ELMOD1: variants seen among roughly 807,000 people sequenced by gnomAD.
The protein encoded by ELMOD1 is ELMO domain containing 1, also known as ELMO domain-containing protein 1.
A neutral mutation model predicts 46.7 loss-of-function variants in ELMOD1; 21 were observed. That is an observed-to-expected ratio of 0.45 (90% CI 0.32 to 0.65). The LOEUF (loss-of-function observed/expected upper bound fraction) is 0.65, where lower values mean the gene tolerates loss of function less well. ELMOD1 is among the 30% of genes least tolerant of loss of function. ELMOD1 has a pLI of 0.04. For missense variants in ELMOD1, 348 were observed against 407.8 expected (o/e 0.85, Z 1.26); for synonymous variants, 122 against 138.2 (o/e 0.88, Z 0.82).
chr11:107,598,369 T>G (rs573252185), intron 1 of ELMOD1, among the ~76,000 whole-genome samples: 1 of 152,286 alleles, frequency 6.6e-6, no homozygotes, highest in East Asian at 1.9e-4. Context: ...TTTGTTCTAT[T>G]CAGGCCCTCG....
chr11:107,622,125 G>A (rs1865961405), intron 2 of ELMOD1, among the ~76,000 whole-genome samples: 1 of 152,164 alleles, frequency 6.6e-6, no homozygotes, highest in Admixed American at 6.5e-5. Context: ...ATAAAAGAAT[G>A]CGATCAGTGA....
chr11:107,654,022 A>G (rs1438396163), intron 9 of ELMOD1, 150 bp from the exon 10 acceptor site: 2 of 666,934 alleles, frequency 3.0e-6, no homozygotes, highest in Middle Eastern at 3.2e-4. Context: ...TGACCTCCAT[A>G]TAAATTGTAC....
At chr11:107,611,704 C>CAAAAAAAA (rs71470853) in intron 1 of ELMOD1, among the ~76,000 whole-genome samples, 1 of 55,800 alleles carries the variant, frequency 1.8e-5, no homozygotes, top group African/African-American at 7.1e-5. Context: ...GACTCCATCT[C>CAAAAAAAA]AAAAAAAAAA....
rs201717101 is a variant in ELMOD1 at position 107,630,702 on chromosome 11, A to T, written c.166A>T (p.Thr56Ser). 181 of 1,608,534 alleles carry T rather than the reference A, an allele frequency of 1.1e-4. No homozygotes were observed. The African/African-American group carries it at 2.1e-3, about 19-fold the overall frequency. The change falls in exon 4 of 12, where the codon ACA (threonine) becomes TCA (serine). Residue 56 changes from threonine to serine, a missense_variant and splice_region_variant. By Grantham distance (58) the Thr-to-Ser change is moderately conservative. Transcript: ENST00000265840. ...PGASRTMKIE[T>S]SLRDSKSKLL... ...TGTTTTTGTTGCTGCTTTCACAGAA[A>T]CATCACTGAGGGATTCTAAAAGTAA...
At chr11:107,621,246 C>G (rs1865942593) in intron 2 of ELMOD1, among the ~76,000 whole-genome samples, 1 of 152,206 alleles carries the variant, frequency 6.6e-6, no homozygotes, top group Non-Finnish European at 1.5e-5. Context: ...TCGTTATTTT[C>G]CTTCCTCCAG....
intron 6 of ELMOD1, among the ~76,000 whole-genome samples, chr11:107,644,592 A>G (rs1866385837): frequency 6.6e-6 from 1 of 151,438 alleles, no homozygotes; most frequent in Non-Finnish European, 1.5e-5. Flanking sequence ...CTCCTGCCTC[A>G]GCCTCCCGAG....
intron 7 of ELMOD1, among the ~76,000 whole-genome samples, chr11:107,648,368 C>T (rs1866469410): frequency 6.6e-6 from 1 of 152,106 alleles, no homozygotes; most frequent in African/African-American, 2.4e-5. Context: ...TGTATCCGTC[C>T]CCTGTATTTC....
At chr11:107,659,725 G>C (rs1866700432) in intron 11 of ELMOD1, among the ~76,000 whole-genome samples, 1 of 151,760 alleles carries the variant, frequency 6.6e-6, no homozygotes. Flanking sequence ...AATACTGGCT[G>C]ATGTTTTTTG....
intron 2 of ELMOD1, among the ~76,000 whole-genome samples, chr11:107,625,924 C>T: frequency 6.6e-6 from 1 of 152,238 alleles, no homozygotes; most frequent in East Asian, 1.9e-4. Context: ...TCTTAGGAAG[C>T]TACAGTAACT....
intron 10 of ELMOD1, among the ~76,000 whole-genome samples, chr11:107,654,716 T>C (rs4753810): frequency 0.32 from 44,994 of 141,804 alleles, 7,050 homozygotes; most frequent in Admixed American, 0.4. Context: ...TTGCAGTGAG[T>C]GGAGATGGCG....
chr11:107,609,507 G>A (rs886546281), intron 1 of ELMOD1, among the ~76,000 whole-genome samples: 7 of 152,168 alleles, frequency 4.6e-5, no homozygotes, highest in African/African-American at 1.7e-4. Context: ...TTCTAGTTGA[G>A]TCTCTAATTC....
At chr11:107,615,836 G>A (rs369199456) in intron 1 of ELMOD1, among the ~76,000 whole-genome samples, 21 of 151,554 alleles carry the variant, frequency 1.4e-4, no homozygotes, top group African/African-American at 5.1e-4. Flanking sequence ...TTTGTCGAAT[G>A]TTCTCATGAT....
chr11:107,595,339 C>G (rs2135642655), intron 1 of ELMOD1, among the ~76,000 whole-genome samples: 1 of 152,204 alleles, frequency 6.6e-6, no homozygotes, highest in African/African-American at 2.4e-5. Flanking sequence ...TTCAACAGAG[C>G]AGAAAACAGT....
chr11:107,659,316 A>G (rs1565392684), intron 11 of ELMOD1, among the ~76,000 whole-genome samples: 1 of 152,088 alleles, frequency 6.6e-6, no homozygotes, highest in African/African-American at 2.4e-5. Flanking sequence ...TAGAGAAATC[A>G]GGGAAGTAGT....
intron 1 of ELMOD1, among the ~76,000 whole-genome samples, chr11:107,593,630 G>A (rs144913804): frequency 6.6e-6 from 1 of 152,300 alleles, no homozygotes; most frequent in East Asian, 1.9e-4. Flanking sequence ...ACAAAGCACT[G>A]TTAGGTTTTC....
chr11:107,618,381 T>A (rs1428555369), intron 2 of ELMOD1, among the ~76,000 whole-genome samples, 175 bp downstream of exon 2: 1 of 152,160 alleles, frequency 6.6e-6, no homozygotes, highest in African/African-American at 2.4e-5. Flanking sequence ...CTCTGCTAAC[T>A]CTATATGCGT....
rs368172899 is a variant in ELMOD1 at position 107,664,611 on chromosome 11, GT to G, written c.833-412del. On this transcript the variant is annotated intron_variant, in intron 11 of 11. Coordinates refer to ENST00000265840, the MANE Select transcript of ELMOD1 (RefSeq NM_018712.4). ...TTTGTCGGGGTAATTTAAAACTTTA[GT>G]TACATCAAATATCAAGAGAATAAAG... is the stretch of plus-strand genomic sequence containing the variant. Among the ~76,000 whole-genome samples the G allele has an allele frequency of 5.4e-3, 822 of 152,226 alleles. 7 individuals are homozygous for G. Among genetic ancestry groups the G allele is most frequent in the African/African-American group, 0.019 (778 of 41,532 alleles).
At position 107,655,993 on chromosome 11, in the gene ELMOD1, C is replaced by T. The variant is rs1264512218; in HGVS notation, c.759C>T (p.Ser253=). Residue 253 remains serine (S), a synonymous_variant, in exon 11 of 12, where the codon AGC becomes AGT. Coordinates refer to ENST00000265840, the MANE Select transcript of ELMOD1 (RefSeq NM_018712.4). ...ITDLAYNLLV[S]GALKTHFYNI... Reference sequence around the variant, plus strand: ...ACCTGGCATATAATCTACTGGTCAGCGGAGCTCTAAAAACCCATTTCTACA... The same window carrying T: ...ACCTGGCATATAATCTACTGGTCAGTGGAGCTCTAAAAACCCATTTCTACA... 7.6e-6 allele frequency: 12 copies of T among 1,587,626 alleles called. No individual in the cohort carries two copies. Among genetic ancestry groups the T allele is most frequent in the Admixed American group, 7.2e-5 (4 of 55,600 alleles).
At chr11:107,644,389 G>C (rs1195264978) in intron 6 of ELMOD1, among the ~76,000 whole-genome samples, 1 of 152,022 alleles carries the variant, frequency 6.6e-6, no homozygotes, top group Non-Finnish European at 1.5e-5. Flanking sequence ...AATGAGTAAG[G>C]TTTGTCACCC....
Sources: gnomAD v4.1 joint callset for allele counts (sites outside exome capture counted in the v4.1 genomes callset) on GRCh38, gnomAD v4.1.1 for gene constraint, MANE v1.5 for transcripts, NCBI Gene and HGNC (gene_info 2026-07-23, HGNC 2026-07-21) for gene names.